Variants in DNMT1 observed in about 807,000 individuals in gnomAD.
DNMT1 encodes the protein DNA (cytosine-5)-methyltransferase 1.
DNMT1 carries 24 observed loss-of-function variants against 205.3 expected under a neutral mutation model. The ratio of observed to expected loss-of-function variants is 0.12; its 90% CI spans 0.08 to 0.16. The LOEUF is 0.16. Ranked by LOEUF, DNMT1 falls within the 10% of genes least tolerant of loss-of-function variation. DNMT1 has a pLI of 1.00. For missense variants in DNMT1, 1,293 were observed against 2,177.7 expected, an observed-to-expected ratio of 0.59 and a Z score of 8.09; for synonymous variants, 817 against 839.8, an observed-to-expected ratio of 0.97 and a Z score of 0.47.
chr19:10,191,061 C>G (rs1252194304), intron 1 of DNMT1, among the ~76,000 whole-genome samples: 1 of 150,516 alleles, frequency 6.6e-6, no homozygotes, highest in African/African-American at 2.4e-5. Flanking sequence ...TGCAGTGAGC[C>G]GAGATCACGG....
At chr19:10,186,838 CAAAAAA>C (rs35238334) in intron 1 of DNMT1, among the ~76,000 whole-genome samples, 4 of 70,688 alleles carry the variant, frequency 5.7e-5, no homozygotes, top group South Asian at 5.7e-4. Flanking sequence ...AACTCCGTCT[CAAAAAA>C]AAAAAAAAAA....
rs1426383490 is a variant in DNMT1 at position 10,133,902 on chromosome 19, G to T, written c.4865-201C>A. ...CGGTCCCCAGAGGGTTCTAGACCCA[G>T]AGGCTCAAGTGAGCAGCTGAGGCAG... On this transcript the variant is annotated intron_variant, in intron 40 of 40. Coordinates refer to ENST00000359526, the MANE Select transcript of DNMT1 (RefSeq NM_001130823.3). This position sits in a 1 kb window ranked among gnomAD's most constrained non-coding sequence, Gnocchi z 4.1. Among the ~76,000 whole-genome samples, 1 of 152,212 alleles carries T rather than the reference G, an allele frequency of 6.6e-6. No homozygotes were observed. Among genetic ancestry groups the T allele is most frequent in the Non-Finnish European group, 1.5e-5 (1 of 68,032 alleles).
Position 10,149,893 on chromosome 19 carries a change from C to T in DNMT1, c.2341G>A (p.Val781Ile). Residue 781 changes from valine (V) to isoleucine (I), a missense_variant, in exon 25 of 41, where the codon GTT becomes ATT. Physicochemically the swap from Val to Ile is conservative, Grantham distance 29. Around this residue, in one of 13 missense-constraint regions of DNMT1, gnomAD observed 197 missense variants for 353.6 expected, o/e 0.56. Transcript: ENST00000359526. ...ETLEVGDCVS[V>I]IPDDSSKPLY... ...GGTTTTGAGGAATCATCTGGAATAACAGAGACACAGTCCCCCACTTCCAGG... is the reference window on the plus strand; with the variant it reads ...GGTTTTGAGGAATCATCTGGAATAATAGAGACACAGTCCCCCACTTCCAGG... 6.2e-7 allele frequency: 1 copy of T among 1,614,244 alleles called. No individual in the cohort carries two copies. Among genetic ancestry groups the T allele is most frequent in the Non-Finnish European group, 8.5e-7 (1 of 1,180,046 alleles).
intron 13 of DNMT1, 38 bp from the exon 14 acceptor site, chr19:10,160,456 G>T: frequency 6.2e-7 from 1 of 1,611,238 alleles, no homozygotes; most frequent in South Asian, 1.1e-5. Context: ...AAGGCTAAGA[G>T]AGTGTTTTAC....
Position 10,156,930 on chromosome 19 carries a change from T to A in DNMT1, c.1281-421A>T, listed in dbSNP as rs2145313778. ...CCATGCCTGGCCCCGACACTCATTT[T>A]TTGGTTGCGGGAACACTGGATTAAG... On this transcript the variant is annotated intron_variant, in intron 17 of 40. Coordinates refer to ENST00000359526, the MANE Select transcript of DNMT1 (RefSeq NM_001130823.3). The surrounding 1 kb of genome is among the most constrained non-coding windows in gnomAD (Gnocchi z 4.2). Among the ~76,000 whole-genome samples, 1 of 152,284 alleles carries A rather than the reference T, an allele frequency of 6.6e-6. No homozygotes were observed. Among genetic ancestry groups the A allele is most frequent in the South Asian group, 2.1e-4 (1 of 4,828 alleles).
At chr19:10,182,442 CATATAT>C (rs555439749) in intron 1 of DNMT1, among the ~76,000 whole-genome samples, 1 of 120,624 alleles carries the variant, frequency 8.3e-6, no homozygotes, top group Non-Finnish European at 1.7e-5. Context: ...TATATATATA[CATATAT>C]ATGTGTATAT....
At chr19:10,172,405 C>CAAAAAAAAA (rs34495234) in intron 9 of DNMT1, among the ~76,000 whole-genome samples, 1 of 76,428 alleles carries the variant, frequency 1.3e-5, no homozygotes, top group African/African-American at 4.8e-5. Context: ...GACTCCATCT[C>CAAAAAAAAA]AAAAAAAAAA....
intron 27 of DNMT1, among the ~76,000 whole-genome samples, chr19:10,147,492 T>C (rs2038225523): frequency 6.6e-6 from 1 of 151,774 alleles, no homozygotes; most frequent in African/African-American, 2.4e-5. Context: ...GCGCCTGTAG[T>C]CCCAGCTACT....
intron 13 of DNMT1, 64 bp from the exon 14 acceptor site, chr19:10,160,482 C>A: frequency 6.4e-7 from 1 of 1,566,226 alleles, no homozygotes; most frequent in Non-Finnish European, 8.8e-7. Flanking sequence ...GATAGTGCTT[C>A]GGTGTTAAGA....
rs557731111 is a variant in DNMT1 at position 10,140,031 on chromosome 19, C to G, written c.3806+15G>C. The G allele has an allele frequency of 5.6e-6, 9 of 1,605,874 alleles. No homozygotes were observed. The South Asian group carries it at 6.6e-5, about 12-fold the overall frequency. On this transcript the variant is annotated intron_variant, in intron 33 of 40. Coordinates refer to ENST00000359526, the MANE Select transcript of DNMT1 (RefSeq NM_001130823.3). This position sits in a 1 kb window ranked among gnomAD's most constrained non-coding sequence, Gnocchi z 8.4. ...CGGGCCGTCTGGCAACACTGGGGGG[C>G]TTCTACCCGTTTACCTGAGGAAGGA...
rs2089513100 is a variant in DNMT1, at chr19:10,137,555, T to C, written c.4294-275A>G. ...GATGGTGAAAGGGCTGGTCTTGGCA[T>C]CCTGGGAAAACATGCGGGGAGAGGC... On this transcript the variant is annotated intron_variant, in intron 36 of 40. Coordinates refer to ENST00000359526, the MANE Select transcript of DNMT1 (RefSeq NM_001130823.3). This position sits in a 1 kb window ranked among gnomAD's most constrained non-coding sequence, Gnocchi z 6.4. 1.6e-6 allele frequency: 1 copy of C among 640,328 alleles called. No individual in the cohort carries two copies. The highest frequency in any genetic ancestry group is 1.8e-5 in the African/African-American group (1 of 54,828). The allele number at this position is 640,328 out of a possible 1,614,324, so 39.7% of individuals were successfully genotyped here.
At chr19:10,149,330 CAAAAAAAAAAACA>C in intron 26 of DNMT1, 110 bp downstream of exon 26, 1 of 993,034 alleles carries the variant, frequency 1.0e-6, no homozygotes. Context: ...AGTCTCAAAA[CAAAAAAAAAAACA>C]AAAAAAAAAC....
In DNMT1 at chr19:10,151,425, G is replaced by A; in HGVS notation, c.2238C>T (p.Arg746=). The change falls in exon 24 of 41, where the codon CGC becomes CGT. Residue 746 remains arginine (R), a synonymous_variant. Coordinates refer to ENST00000359526, the MANE Select transcript of DNMT1 (RefSeq NM_001130823.3). This position sits in a 1 kb window ranked among gnomAD's most constrained non-coding sequence, Gnocchi z 5.0. The part of the protein sequence containing the change: ...QGKKKKQNKN[R]ISWVGEAVKT... ...TGACGGCTTCTCCGACCCAAGAGAT[G>A]CGATTCTTGTTCTGTTTCTTCTTCT... 6.2e-7 allele frequency: 1 copy of A among 1,613,964 alleles called. No individual in the cohort carries two copies. Among genetic ancestry groups the A allele is most frequent in the Non-Finnish European group, 8.5e-7 (1 of 1,180,034 alleles).
rs2145266698 is a variant in DNMT1, at chr19:10,140,673, A to C, written c.3523+108T>G. On this transcript the variant is annotated intron_variant, in intron 32 of 40. Transcript: ENST00000359526. The surrounding 1 kb of genome is among the most constrained non-coding windows in gnomAD (Gnocchi z 8.4). ...GTGCGCCACCGTGCCTGGCCTCGGA[A>C]GGAGATTCTTGAGTCAGGAAGGTGA... The C allele has an allele frequency of 2.5e-4, 392 of 1,553,104 alleles. No homozygotes were observed. Among genetic ancestry groups the C allele is most frequent in the Non-Finnish European group, 3.2e-4 (358 of 1,128,042 alleles).
chr19:10,139,748 G>A lies in DNMT1; in HGVS notation c.3876C>T (p.Arg1292=). The stretch of plus-strand genomic sequence containing the variant: ...GGAGGGTGAGCTTCAGGACCATGGA[G>A]CGCTTGAAGGAGACAAAGTTCCTGA... ...ENVRNFVSFK[R]SMVLKLTLRC... is the part of the protein sequence containing the mutation. The change falls in exon 34 of 41, where the codon CGC becomes CGT. Residue 1292 remains arginine, a synonymous_variant. Coordinates refer to ENST00000359526, the MANE Select transcript of DNMT1 (RefSeq NM_001130823.3). 1 of 1,612,382 alleles carries A rather than the reference G, an allele frequency of 6.2e-7. No homozygotes were observed. Among genetic ancestry groups the A allele is most frequent in the Non-Finnish European group, 8.5e-7 (1 of 1,179,514 alleles).
intron 2 of DNMT1, among the ~76,000 whole-genome samples, 153 bp downstream of exon 2, chr19:10,181,888 T>C (rs1369110589): frequency 6.6e-6 from 1 of 151,936 alleles, no homozygotes; most frequent in Non-Finnish European, 1.5e-5. Context: ...AGCAGCAAAT[T>C]AGTGCTGACA....
chr19:10,139,611 G>A, intron 34 of DNMT1, 65 bp downstream of exon 34: 8 of 1,577,798 alleles, frequency 5.1e-6, no homozygotes, highest in Non-Finnish European at 6.9e-6. Flanking sequence ...AGTAAGGGAT[G>A]GCTGGCTGCT....
At chr19:10,148,260 G>C (rs547970218) in intron 27 of DNMT1, among the ~76,000 whole-genome samples, 2 of 151,492 alleles carry the variant, frequency 1.3e-5, no homozygotes, top group African/African-American at 2.4e-5. Context: ...ACTTTGGGAG[G>C]CCAAGGCGGG....
intron 33 of DNMT1, 48 bp from the exon 34 acceptor site, chr19:10,139,865 G>A (rs1266709681): frequency 5.8e-6 from 9 of 1,558,686 alleles, no homozygotes; most frequent in Non-Finnish European, 7.8e-6. Context: ...CAGACAGAGG[G>A]AAGAAACGAC....
Sources: allele counts gnomAD v4.1 joint callset (sites outside exome capture counted in the v4.1 genomes callset), GRCh38; gene constraint gnomAD v4.1.1; regional missense constraint gnomAD v4.1.1; non-coding constraint Gnocchi (gnomAD v3.1); transcripts MANE v1.5; gene names NCBI Gene and HGNC (gene_info 2026-07-23, HGNC 2026-07-21).